Variants in HIP1 observed in about 807,000 individuals in gnomAD.
The protein encoded by HIP1 is huntingtin interacting protein 1, also known as huntingtin-interacting protein 1.
Under a neutral mutation model 147.6 loss-of-function variants are expected in HIP1, and 65 were observed. That is an observed-to-expected ratio of 0.44 (90% CI 0.36 to 0.54). HIP1 has a LOEUF of 0.54. HIP1 is among the 20% of genes least tolerant of loss of function. The pLI is 0.00. For synonymous variants in HIP1, 479 were observed against 504.0 expected, an observed-to-expected ratio of 0.95 and a Z score of 0.67; for missense variants, 1,061 against 1,299.6, an observed-to-expected ratio of 0.82 and a Z score of 2.82.
intron 1 of HIP1, among the ~76,000 whole-genome samples, chr7:75,602,496 T>C (rs1355629474): frequency 8.4e-5 from 2 of 23,734 alleles, no homozygotes; most frequent in Non-Finnish European, 1.6e-4. Flanking sequence ...GATATGCTCT[T>C]TTTTTTTTTT....
chr7:75,571,003 C>A (rs1795608750), intron 8 of HIP1, among the ~76,000 whole-genome samples: 1 of 151,898 alleles, frequency 6.6e-6, no homozygotes, highest in Admixed American at 6.6e-5. Context: ...GAGCGAGACC[C>A]TGTTTCAGAA....
In HIP1 at chr7:75,553,692, G is replaced by A. The variant is rs587691835; in HGVS notation, c.2159-103C>T. The A allele has an allele frequency of 2.5e-5, 27 of 1,079,978 alleles. No homozygotes were observed. In the South Asian group the frequency reaches 3.5e-4, roughly 14 times the overall value. 66.9% of individuals were successfully genotyped at this position (1,079,978 alleles called of 1,614,324 possible). A position where few individuals can be genotyped will look rare whatever the true frequency, so the allele number is the denominator to read the frequency against. ...GCCATCTCGGCTCACTGCAAACTCC[G>A]CCTCCTGAGTTCAAGCGATTCTCCT... On this transcript the variant is annotated intron_variant, in intron 21 of 30. Coordinates refer to ENST00000336926, the MANE Select transcript of HIP1 (RefSeq NM_005338.7).
At chr7:75,640,570 G>A (rs1798617518) in intron 1 of HIP1, among the ~76,000 whole-genome samples, 1 of 151,984 alleles carries the variant, frequency 6.6e-6, no homozygotes, top group Non-Finnish European at 1.5e-5. Flanking sequence ...TGGCCAAAAT[G>A]ACGAAACTCC....
intron 1 of HIP1, among the ~76,000 whole-genome samples, chr7:75,615,250 A>G (rs1212801134): frequency 6.6e-6 from 1 of 151,580 alleles, no homozygotes; most frequent in East Asian, 2.0e-4. Flanking sequence ...GAGAGCACAC[A>G]GATGATAGGA....
intron 1 of HIP1, among the ~76,000 whole-genome samples, chr7:75,669,981 A>G (rs1018504838): frequency 1.3e-5 from 2 of 151,956 alleles, no homozygotes; most frequent in Non-Finnish European, 1.5e-5. Flanking sequence ...TTGTATGTTT[A>G]GTAGAGACGG....
At chr7:75,554,282 T>A in intron 20 of HIP1, 62 bp from the exon 21 acceptor site, 1 of 1,433,774 alleles carries the variant, frequency 7.0e-7, no homozygotes, top group Non-Finnish European at 9.8e-7. Context: ...TCATACCCTC[T>A]CCTCCCGTTT....
intron 1 of HIP1, among the ~76,000 whole-genome samples, chr7:75,702,202 C>A (rs555701465): frequency 6.6e-6 from 1 of 151,922 alleles, no homozygotes; most frequent in Non-Finnish European, 1.5e-5. Flanking sequence ...CCTCTGCCTT[C>A]GGAGTTCAAG....
intron 1 of HIP1, among the ~76,000 whole-genome samples, chr7:75,694,177 C>G (rs1554518515): frequency 6.6e-6 from 1 of 152,120 alleles, no homozygotes. Flanking sequence ...CTCGGCCTCC[C>G]AAAGTGCTGA....
At chr7:75,667,460 CA>C (rs1229456715) in intron 1 of HIP1, among the ~76,000 whole-genome samples, 1 of 152,072 alleles carries the variant, frequency 6.6e-6, no homozygotes, top group African/African-American at 2.4e-5. Context: ...TTCTATAAAC[CA>C]AACTGTGTTA....
At chr7:75,556,574 A>C (rs1225228804) in intron 17 of HIP1, 136 bp downstream of exon 17, 3 of 632,372 alleles carry the variant, frequency 4.7e-6, no homozygotes, top group Non-Finnish European at 8.5e-6. Context: ...AGTCCCAGTT[A>C]CTCGGGGGGC....
intron 5 of HIP1, among the ~76,000 whole-genome samples, chr7:75,582,538 C>T (rs1042391869): frequency 2.0e-5 from 3 of 152,024 alleles, no homozygotes; most frequent in Non-Finnish European, 2.9e-5. Context: ...AGGCCAGGTG[C>T]GGTGGCTCAC....
chr7:75,620,720 C>T (rs948286003), intron 1 of HIP1, among the ~76,000 whole-genome samples: 13 of 151,838 alleles, frequency 8.6e-5, no homozygotes, highest in African/African-American at 2.7e-4. Flanking sequence ...ATAAACAAAA[C>T]CAAAATAAAA....
chr7:75,622,815 C>T (rs1293451665), intron 1 of HIP1, among the ~76,000 whole-genome samples: 2 of 152,026 alleles, frequency 1.3e-5, no homozygotes, highest in Admixed American at 1.3e-4. Context: ...TGCACTCCAG[C>T]CTGGGCAACA....
chr7:75,662,072 G>A (rs554783473), intron 1 of HIP1, among the ~76,000 whole-genome samples: 1 of 148,028 alleles, frequency 6.8e-6, no homozygotes, highest in East Asian at 2.1e-4. Context: ...CACAAGGGGT[G>A]AAGGTGGAGG....
At chr7:75,616,266 C>T (rs1389776375) in intron 1 of HIP1, among the ~76,000 whole-genome samples, 4 of 151,788 alleles carry the variant, frequency 2.6e-5, no homozygotes, top group African/African-American at 9.7e-5. Context: ...TGAGCTAGGA[C>T]TGGTTTTTGT....
intron 1 of HIP1, among the ~76,000 whole-genome samples, chr7:75,617,344 G>A (rs928610880): frequency 1.3e-5 from 2 of 152,046 alleles, no homozygotes; most frequent in Admixed American, 6.6e-5. Flanking sequence ...TTCCCAAAGT[G>A]CTGGGATTAC....
At chr7:75,588,921 G>A (rs782332442) in intron 4 of HIP1, among the ~76,000 whole-genome samples, 1 of 152,174 alleles carries the variant, frequency 6.6e-6, no homozygotes, top group African/African-American at 2.4e-5. Context: ...AGAGGCTGAG[G>A]CATTGGATCA....
At chr7:75,738,680 C>T in intron 1 of HIP1, 121 bp downstream of exon 1, 1 of 1,225,124 alleles carries the variant, frequency 8.2e-7, no homozygotes, top group East Asian at 2.7e-5. Flanking sequence ...TGCCCCCGCT[C>T]ACTACACCCT....
At position 75,670,807 on chromosome 7, in the gene HIP1, AGATAG is replaced by A. The variant is rs1799710432; in HGVS notation, c.120+67989_120+67993del. On this transcript the variant is annotated intron_variant, in intron 1 of 30. Transcript: ENST00000336926. ...AAAACTTTTTTTTTTTTTTTGGTAG[AGATAG>A]GGTCTTGCTATGTATCCCAGGCTGG... Among the ~76,000 whole-genome samples, 3 of 32,392 alleles carry A rather than the reference AGATAG, an allele frequency of 9.3e-5. No homozygotes were observed. In the South Asian group the frequency reaches 2.6e-3, roughly 28 times the overall value. The allele number at this position is 32,392 out of a possible 152,430, so 21.3% of individuals were successfully genotyped here.
Sources: gnomAD v4.1 joint callset for allele counts (sites outside exome capture counted in the v4.1 genomes callset) on GRCh38, gnomAD v4.1.1 for gene constraint, MANE v1.5 for transcripts, NCBI Gene and HGNC (gene_info 2026-07-23, HGNC 2026-07-21) for gene names.